The following KCNN2 variants were observed in gnomAD, a reference collection of about 807,000 sequenced individuals.
The protein encoded by KCNN2 is small conductance calcium-activated potassium channel protein 2.
In KCNN2, 24 loss-of-function variants were observed where a neutral mutation model predicts 55.5. That is an observed-to-expected ratio of 0.43 (90% CI 0.31 to 0.61). The LOEUF is 0.61. KCNN2 is among the 20% of genes least tolerant of loss of function. The pLI is 0.08. For missense variants in KCNN2, 754 were observed against 853.6 expected (o/e 0.88, Z 1.45); for synonymous variants, 431 against 336.1 (o/e 1.28, Z -3.09).
intron 2 of KCNN2, among the ~76,000 whole-genome samples, chr5:114,320,782 G>C (rs1756600654): frequency 6.6e-6 from 1 of 152,180 alleles, no homozygotes; most frequent in African/African-American, 2.4e-5. Context: ...CATAAGGATA[G>C]AGATAGTGAC....
chr5:114,453,602 T>A (rs1271376254), intron 3 of KCNN2, among the ~76,000 whole-genome samples: 1 of 152,212 alleles, frequency 6.6e-6, no homozygotes, highest in Non-Finnish European at 1.5e-5. Flanking sequence ...TCTTCCACTG[T>A]CCATATTATC....
chr5:114,422,316 A>G (rs933741437), intron 3 of KCNN2, among the ~76,000 whole-genome samples: 82 of 152,280 alleles, frequency 5.4e-4, no homozygotes, highest in African/African-American at 1.6e-3. Context: ...TGGAGCCCTC[A>G]TGAATGGGAT....
intron 3 of KCNN2, among the ~76,000 whole-genome samples, chr5:114,446,606 C>T (rs574334406): frequency 6.6e-6 from 1 of 151,930 alleles, no homozygotes; most frequent in South Asian, 2.1e-4. Context: ...TACAGGCATG[C>T]ACCTCTGTGC....
chr5:114,277,891 G>A (rs190573928), intron 2 of KCNN2, among the ~76,000 whole-genome samples: 63 of 152,272 alleles, frequency 4.1e-4, no homozygotes, highest in Non-Finnish European at 6.3e-4. Flanking sequence ...CTGTCGAGGA[G>A]TCGTTTTCCT....
chr5:114,483,435 C>T (rs983643406), intron 5 of KCNN2, among the ~76,000 whole-genome samples: 9 of 151,800 alleles, frequency 5.9e-5, no homozygotes, highest in African/African-American at 2.2e-4. Context: ...CAACCACGCC[C>T]ATCTAATTTT....
At chr5:114,418,418 C>T (rs1360629958) in intron 3 of KCNN2, among the ~76,000 whole-genome samples, 1 of 152,216 alleles carries the variant, frequency 6.6e-6, no homozygotes, top group African/African-American at 2.4e-5. Context: ...TGAAACCCTT[C>T]TGTGTGTTCA....
intron 1 of KCNN2, among the ~76,000 whole-genome samples, chr5:114,120,459 A>G (rs1423393671): frequency 6.6e-6 from 1 of 152,208 alleles, no homozygotes; most frequent in Non-Finnish European, 1.5e-5. Context: ...CTTCTGCTGT[A>G]TCATCACCCT....
At chr5:114,465,846 T>TAATATTTGAGTAACATATTTG (rs1761421637) in intron 4 of KCNN2, among the ~76,000 whole-genome samples, 1 of 152,228 alleles carries the variant, frequency 6.6e-6, no homozygotes, top group African/African-American at 2.4e-5. Context: ...AGAAATTCAC[T>TAATATTTGAGTAACATATTTG]AATATTTGAG....
chr5:114,117,462 A>G (rs145075815), intron 1 of KCNN2, among the ~76,000 whole-genome samples: 27 of 152,284 alleles, frequency 1.8e-4, no homozygotes, highest in Admixed American at 1.7e-3. Flanking sequence ...AGTAGTCAGC[A>G]CCAGTGCCTT....
intron 1 of KCNN2, among the ~76,000 whole-genome samples, chr5:114,170,224 A>C (rs909514357): frequency 2.6e-5 from 4 of 152,096 alleles, no homozygotes; most frequent in Non-Finnish European, 5.9e-5. Context: ...TCTTCATTAC[A>C]TAATTAACTT....
intron 1 of KCNN2, among the ~76,000 whole-genome samples, chr5:114,060,380 C>T (rs1335450958): frequency 6.6e-6 from 1 of 152,218 alleles, no homozygotes; most frequent in Admixed American, 6.5e-5. Flanking sequence ...CCCTTATGTC[C>T]CTTATTTACT....
At chr5:114,163,275 C>G (rs934247002) in intron 1 of KCNN2, among the ~76,000 whole-genome samples, 1 of 152,018 alleles carries the variant, frequency 6.6e-6, no homozygotes, top group Non-Finnish European at 1.5e-5. Context: ...GTTTGAATGC[C>G]CTTTATTTAT....
intron 2 of KCNN2, among the ~76,000 whole-genome samples, chr5:114,402,224 A>C (rs1238148853): frequency 6.6e-6 from 1 of 152,220 alleles, no homozygotes; most frequent in Admixed American, 6.5e-5. Flanking sequence ...CAGGAATGAC[A>C]GGACAAATGA....
chr5:114,310,871 C>G (rs989211549), intron 2 of KCNN2, among the ~76,000 whole-genome samples: 1 of 152,062 alleles, frequency 6.6e-6, no homozygotes, highest in African/African-American at 2.4e-5. Flanking sequence ...AAACTCATTT[C>G]CCTTTCTCTG....
In KCNN2 at chr5:114,363,063, T is replaced by TGGC; in HGVS notation, c.927_929dup (p.Gly310dup). On this transcript the variant is annotated inframe_insertion, in exon 1 of 8. Transcript: ENST00000673685. ...GCAGCACTGGAGGAGGCGGCGGCGG[T>TGGC]GGCGGGAGCGGGCACGGCAGCAGCA... The TGGC allele has an allele frequency of 6.2e-7, 1 of 1,608,476 alleles. No individual in the cohort carries two copies. Among genetic ancestry groups the TGGC allele is most frequent in the Non-Finnish European group, 8.5e-7 (1 of 1,179,030 alleles).
At chr5:114,435,341 T>C (rs1198311375) in intron 3 of KCNN2, among the ~76,000 whole-genome samples, 1 of 152,348 alleles carries the variant, frequency 6.6e-6, no homozygotes, top group East Asian at 1.9e-4. Context: ...GTGGTTTGTC[T>C]TGTGACCTTA....
At chr5:114,464,467 G>A (rs73247807) in intron 4 of KCNN2, among the ~76,000 whole-genome samples, 113 of 152,322 alleles carry the variant, frequency 7.4e-4, no homozygotes, top group African/African-American at 2.6e-3. Context: ...CAGGCTGGTA[G>A]GAGAGAGCAG....
At chr5:114,252,481 G>T (rs565084119) in intron 2 of KCNN2, among the ~76,000 whole-genome samples, 1 of 152,200 alleles carries the variant, frequency 6.6e-6, no homozygotes, top group Non-Finnish European at 1.5e-5. Context: ...GTACAGATAT[G>T]TTCCCTCTCT....
intron 2 of KCNN2, among the ~76,000 whole-genome samples, chr5:114,237,454 G>T (rs1225909606): frequency 6.6e-6 from 1 of 152,132 alleles, no homozygotes; most frequent in Non-Finnish European, 1.5e-5. Flanking sequence ...TCCTGCAAGT[G>T]GCTTTGCTGT....
Sources: allele counts gnomAD v4.1 joint callset (sites outside exome capture counted in the v4.1 genomes callset), GRCh38; gene constraint gnomAD v4.1.1; transcripts MANE v1.5; gene names NCBI Gene and HGNC (gene_info 2026-07-23, HGNC 2026-07-21).